ESRRG: variants seen among roughly 807,000 people sequenced by gnomAD.
ESRRG encodes estrogen related receptor gamma.
ESRRG carries 13 observed loss-of-function variants against 44.0 expected under a neutral mutation model. The observed-to-expected ratio is 0.30, with a 90% CI of 0.19 to 0.47. ESRRG has a LOEUF of 0.47. Ranked by LOEUF, ESRRG falls within the 20% of genes least tolerant of loss-of-function variation. ESRRG has a pLI of 1.00. For missense variants in ESRRG, 395 were observed against 580.6 expected (o/e 0.68, Z 3.29); for synonymous variants, 215 against 214.6 (o/e 1.00, Z -0.02).
Position 216,753,209 on chromosome 1 carries a change from T to C in ESRRG, c.-13-75718A>G, listed in dbSNP as rs186436130. On this transcript the variant is annotated intron_variant, in intron 2 of 7. Coordinates refer to the ESRRG transcript ENST00000359162. ...ACACACACACACAGAGTAGTACCTG[T>C]CATTAGAACTTCCTACGCATACATA... is the stretch of plus-strand genomic sequence containing the variant. Among the ~76,000 whole-genome samples, 846 of 103,890 alleles carry C rather than the reference T, an allele frequency of 8.1e-3. 26 individuals are homozygous for C. The East Asian group carries it at 0.098, about 12-fold the overall frequency. 68.2% of individuals were successfully genotyped at this position (103,890 alleles called of 152,430 possible).
chr1:216,816,948 T>A (rs1305358372), intron 2 of ESRRG, among the ~76,000 whole-genome samples: 1 of 152,114 alleles, frequency 6.6e-6, no homozygotes, highest in Non-Finnish European at 1.5e-5. Context: ...AACCAGATAT[T>A]CTCATTAGAA....
At chr1:216,714,425 T>C in intron 1 of ESRRG, 1 of 174,418 alleles carries the variant, frequency 5.7e-6, no homozygotes, top group Non-Finnish European at 1.1e-5. Flanking sequence ...TAGCAGGCAT[T>C]CCCCCCACAC....
intron 2 of ESRRG, among the ~76,000 whole-genome samples, chr1:216,801,351 G>A (rs1405092681): frequency 6.6e-6 from 1 of 152,138 alleles, no homozygotes; most frequent in Non-Finnish European, 1.5e-5. Flanking sequence ...CTACAGGCAT[G>A]CCAGCACTCC....
At chr1:216,607,257 G>GAGTAAA (rs1489229468) in intron 3 of ESRRG, among the ~76,000 whole-genome samples, 1 of 152,206 alleles carries the variant, frequency 6.6e-6, no homozygotes, top group African/African-American at 2.4e-5. Context: ...AAAGTGGATG[G>GAGTAAA]AGTTAGATGT....
rs1349010665 is a variant in ESRRG, at chr1:216,503,522, T to A, written c.*3417A>T. The A allele has an allele frequency of 2.0e-5, 3 of 149,508 alleles. No individual in the cohort carries two copies. The highest frequency in any genetic ancestry group is 3.9e-4 in the East Asian group (2 of 5,182). 9.3% of individuals were successfully genotyped at this position (149,508 alleles called of 1,614,324 possible). On this transcript the variant is annotated 3_prime_UTR_variant, in exon 7 of 7. Transcript: ENST00000408911. ...TGGTTTTATTATTATTATTATTATT[T>A]TTACTACTGGCTATAATGCAACTCC...
chr1:216,846,411 C>T (rs1456048955), intron 2 of ESRRG, among the ~76,000 whole-genome samples: 4 of 151,894 alleles, frequency 2.6e-5, no homozygotes, highest in East Asian at 1.9e-4. Flanking sequence ...TGTAGAGGTC[C>T]GGATAGTCAG....
At chr1:216,824,393 T>G (rs2095355423) in intron 2 of ESRRG, among the ~76,000 whole-genome samples, 1 of 152,016 alleles carries the variant, frequency 6.6e-6, no homozygotes, top group African/African-American at 2.4e-5. Flanking sequence ...TTGTAGTGAG[T>G]GGAGATCGTG....
intron 2 of ESRRG, among the ~76,000 whole-genome samples, chr1:216,762,584 T>C (rs974542945): frequency 1.2e-4 from 18 of 150,268 alleles, no homozygotes; most frequent in African/African-American, 3.2e-4. Flanking sequence ...AGGGATAGCA[T>C]TGGGAGATAT....
intron 2 of ESRRG, among the ~76,000 whole-genome samples, chr1:216,760,146 C>T (rs530133414): frequency 7.2e-5 from 11 of 152,026 alleles, no homozygotes; most frequent in South Asian, 2.1e-4. Context: ...GTCTCCCCAG[C>T]GCAAGGGACC....
rs547078222 is a variant in ESRRG, at chr1:216,625,318, A to C, written c.589+25655T>G. On this transcript the variant is annotated intron_variant, in intron 3 of 6. Transcript: ENST00000408911. ...TCTAATGTTTCTCTAAACTGGGTCC[A>C]CCCTGCTTATCAATCCTTATCACCT... 4.6e-5 allele frequency among the ~76,000 whole-genome samples: 7 copies of C among 150,742 alleles called. 1 individual carries two copies. Among genetic ancestry groups the C allele is most frequent in the African/African-American group, 1.7e-4 (7 of 40,908 alleles).
chr1:216,638,446 C>A (rs2065741259), intron 3 of ESRRG, among the ~76,000 whole-genome samples: 1 of 152,098 alleles, frequency 6.6e-6, no homozygotes, highest in East Asian at 1.9e-4. Context: ...AAAAATTAAA[C>A]AAAATTAGAG....
intron 2 of ESRRG, among the ~76,000 whole-genome samples, chr1:216,872,808 C>T (rs1218630960): frequency 6.6e-6 from 1 of 152,160 alleles, no homozygotes; most frequent in African/African-American, 2.4e-5. Flanking sequence ...ACATCCGTAT[C>T]TGTTCATTGC....
At chr1:216,898,909 A>G (rs1411694266) in intron 2 of ESRRG, among the ~76,000 whole-genome samples, 2 of 152,132 alleles carry the variant, frequency 1.3e-5, no homozygotes, top group African/African-American at 4.8e-5. Context: ...AGGAAATCTT[A>G]GGCAGTAGGG....
intron 2 of ESRRG, among the ~76,000 whole-genome samples, chr1:216,783,173 T>C (rs898316186): frequency 6.6e-5 from 10 of 151,846 alleles, no homozygotes; most frequent in African/African-American, 2.2e-4. Context: ...ACTTAGAAAT[T>C]ATTTCCTTGG....
chr1:216,956,593 G>A (rs1209395132), intron 1 of ESRRG, among the ~76,000 whole-genome samples: 2 of 152,054 alleles, frequency 1.3e-5, no homozygotes, highest in African/African-American at 2.4e-5. Flanking sequence ...GAAGTCTTTT[G>A]TGGTTCCATA....
chr1:216,546,976 C>T (rs150345180), intron 5 of ESRRG, among the ~76,000 whole-genome samples: 1,803 of 151,924 alleles, frequency 0.012, 19 homozygotes, highest in Non-Finnish European at 0.018. Context: ...CCCTGACAGG[C>T]CCCGGTGTGT....
chr1:216,760,224 G>A (rs1037596020), intron 2 of ESRRG, among the ~76,000 whole-genome samples: 4 of 150,544 alleles, frequency 2.7e-5, no homozygotes, highest in African/African-American at 7.4e-5. Context: ...AAAAAAGGGT[G>A]TGTATCTTAG....
At chr1:216,540,985 G>C (rs768181150) in intron 5 of ESRRG, among the ~76,000 whole-genome samples, 1 of 151,926 alleles carries the variant, frequency 6.6e-6, no homozygotes, top group Non-Finnish European at 1.5e-5. Flanking sequence ...ATGTGTTGAA[G>C]AGACAGGGAT....
At position 216,503,741 on chromosome 1, in the gene ESRRG, G is replaced by A. The variant is rs1413610416; in HGVS notation, c.*3198C>T. On this transcript the variant is annotated 3_prime_UTR_variant, in exon 7 of 7. Transcript: ENST00000408911. ...ATATCTTTTATGTTATCATTTAAATGCAAAATAGTGGAATAAATACAACAA... is the reference window on the plus strand; with the variant it reads ...ATATCTTTTATGTTATCATTTAAATACAAAATAGTGGAATAAATACAACAA... 4 of 152,548 alleles carry A rather than the reference G, an allele frequency of 2.6e-5. No homozygotes were observed. Among genetic ancestry groups the A allele is most frequent in the East Asian group, 3.9e-4 (2 of 5,188 alleles). 9.4% of individuals were successfully genotyped at this position (152,548 alleles called of 1,614,324 possible).
Sources: gnomAD v4.1 joint callset for allele counts (sites outside exome capture counted in the v4.1 genomes callset) on GRCh38, gnomAD v4.1.1 for gene constraint, MANE v1.5 for transcripts, NCBI Gene and HGNC (gene_info 2026-07-23, HGNC 2026-07-21) for gene names.